Variants in GSTCD observed in about 807,000 individuals in gnomAD.
GSTCD encodes the protein glutathione S-transferase C-terminal domain containing.
In GSTCD, 44 loss-of-function variants were observed where a neutral mutation model predicts 68.3. The ratio of observed to expected loss-of-function variants is 0.64; its 90% CI spans 0.51 to 0.83. The LOEUF is 0.83. Ranked by LOEUF, GSTCD falls within the 40% of genes least tolerant of loss-of-function variation. The pLI, the probability that GSTCD is intolerant of heterozygous loss-of-function variation, is 0.00. For synonymous variants in GSTCD, 273 were observed against 255.2 expected (o/e 1.07, Z -0.67); for missense variants, 739 against 735.9 (o/e 1.00, Z -0.05).
intron 3 of GSTCD, among the ~76,000 whole-genome samples, chr4:105,726,255 T>C (rs1486089493): frequency 6.6e-6 from 1 of 152,174 alleles, no homozygotes; most frequent in Admixed American, 6.5e-5. Context: ...AGCATAATAC[T>C]AAGTGATAGA....
chr4:105,719,419 C>A lies in GSTCD; in HGVS notation c.786C>A (p.Ile262=), dbSNP rs375185292. The A allele has an allele frequency of 2.5e-6, 4 of 1,613,982 alleles. No homozygotes were observed. The African/African-American group carries it at 5.3e-5, about 22-fold the overall frequency. The change falls in exon 3 of 12, where the codon ATC becomes ATA. Residue 262 remains isoleucine, a synonymous_variant. Coordinates refer to ENST00000515279, the MANE Select transcript of GSTCD (RefSeq NM_001370181.1). ...PATTNREPSH[I]RKAKASDLPP... Reference sequence around the variant, plus strand: ...CTACCAACAGAGAGCCTTCTCACATCAGAAAAGCAAAAGCCTCCGACCTTC... The same window carrying A: ...CTACCAACAGAGAGCCTTCTCACATAAGAAAAGCAAAAGCCTCCGACCTTC...
At chr4:105,804,586 T>A (rs1039337526) in intron 5 of GSTCD, among the ~76,000 whole-genome samples, 1 of 151,464 alleles carries the variant, frequency 6.6e-6, no homozygotes, top group African/African-American at 2.4e-5. Flanking sequence ...TAATCATGAC[T>A]GAGCATCTAC....
chr4:105,752,912 C>T (rs1578437735), intron 5 of GSTCD, among the ~76,000 whole-genome samples: 1 of 152,000 alleles, frequency 6.6e-6, no homozygotes, highest in Non-Finnish European at 1.5e-5. Flanking sequence ...ATTCTCTCGT[C>T]AATTAGTATT....
chr4:105,810,067 C>G (rs893776811), intron 5 of GSTCD, among the ~76,000 whole-genome samples: 1 of 151,916 alleles, frequency 6.6e-6, no homozygotes, highest in Non-Finnish European at 1.5e-5. Context: ...GCCATCAATA[C>G]AAAGTATTTA....
At position 105,821,806 on chromosome 4, in the gene GSTCD, A is replaced by G. The variant is rs192131795; in HGVS notation, c.1241-1148A>G. ...CACATAAAATTTATGAATATAATTG[A>G]AAGTAACCATACATGTACATAAAAT... is the stretch of plus-strand genomic sequence containing the variant. On this transcript the variant is annotated intron_variant, in intron 5 of 11. Coordinates refer to ENST00000515279, the MANE Select transcript of GSTCD (RefSeq NM_001370181.1). Among the ~76,000 whole-genome samples, 58 of 151,998 alleles carry G rather than the reference A, an allele frequency of 3.8e-4. 1 individual carries two copies. In the East Asian group the frequency reaches 0.011, roughly 28 times the overall value.
intron 3 of GSTCD, among the ~76,000 whole-genome samples, chr4:105,722,257 A>G (rs1240437120): frequency 1.3e-5 from 2 of 152,102 alleles, no homozygotes; most frequent in Non-Finnish European, 2.9e-5. Flanking sequence ...GCAAAACTAA[A>G]TACCTCTTCC....
At chr4:105,845,397 G>C in intron 11 of GSTCD, 44 bp from the exon 12 acceptor site, 1 of 1,611,212 alleles carries the variant, frequency 6.2e-7, no homozygotes, top group Non-Finnish European at 8.5e-7. Context: ...AAACTGTCCT[G>C]CTAGTGAAAG....
intron 5 of GSTCD, among the ~76,000 whole-genome samples, chr4:105,781,793 CT>C (rs529901727): frequency 0.048 from 7,242 of 149,426 alleles, 218 homozygotes; most frequent in Middle Eastern, 0.13. Flanking sequence ...AACTACTTAT[CT>C]TTTTTTTCTT....
intron 5 of GSTCD, among the ~76,000 whole-genome samples, chr4:105,778,753 G>A (rs1205288746): frequency 6.6e-6 from 1 of 152,022 alleles, no homozygotes; most frequent in African/African-American, 2.4e-5. Flanking sequence ...GATTTTTTCT[G>A]TCATACTCTT....
At chr4:105,731,533 G>C (rs887930617) in intron 5 of GSTCD, among the ~76,000 whole-genome samples, 5 of 152,156 alleles carry the variant, frequency 3.3e-5, no homozygotes, top group Non-Finnish European at 7.4e-5. Flanking sequence ...CTCTCTGTCT[G>C]TTATTGGTGT....
intron 5 of GSTCD, among the ~76,000 whole-genome samples, chr4:105,772,877 G>A (rs1453738727): frequency 2.6e-5 from 4 of 152,204 alleles, no homozygotes; most frequent in Non-Finnish European, 5.9e-5. Context: ...CTCATAAAAT[G>A]AGTTAGGGAG....
Position 105,823,062 on chromosome 4 carries a change from G to A in GSTCD, c.1349G>A (p.Ser450Asn), listed in dbSNP as rs780359104. 1 of 1,612,332 alleles carries A rather than the reference G, an allele frequency of 6.2e-7. No homozygotes were observed. The highest frequency in any genetic ancestry group is 8.5e-7 in the Non-Finnish European group (1 of 1,178,456). The change falls in exon 6 of 12, where the codon AGC becomes AAC. Residue 450 changes from serine (S) to asparagine (N), a missense_variant. Transcript: ENST00000515279. ...GGTGACAGAATTGTGGATTTCTGCAGCGGTGGGGTATTTTATCTCTCCTTT... is the reference window on the plus strand; with the variant it reads ...GGTGACAGAATTGTGGATTTCTGCAACGGTGGGGTATTTTATCTCTCCTTT... ...KPGDRIVDFC[S>N]GGGHVGIVLA...
At chr4:105,738,441 T>G (rs1267469604) in intron 5 of GSTCD, among the ~76,000 whole-genome samples, 1 of 152,218 alleles carries the variant, frequency 6.6e-6, no homozygotes, top group Non-Finnish European at 1.5e-5. Context: ...TTAGTATTTT[T>G]GTAGAGATTA....
intron 5 of GSTCD, among the ~76,000 whole-genome samples, chr4:105,742,707 C>CTTTTTTTT (rs70941211): frequency 1.5e-5 from 2 of 130,398 alleles, no homozygotes; most frequent in African/African-American, 2.7e-5. Flanking sequence ...GTTGTTTTTA[C>CTTTTTTTT]TTTTTTTTTT....
chr4:105,823,156 G>A, intron 6 of GSTCD, 75 bp from the exon 7 acceptor site: 1 of 1,583,168 alleles, frequency 6.3e-7, no homozygotes, highest in Non-Finnish European at 8.7e-7. Context: ...TTTTTATTTG[G>A]CAAGATTGTG....
At chr4:105,769,932 A>C (rs942509023) in intron 5 of GSTCD, among the ~76,000 whole-genome samples, 4 of 151,992 alleles carry the variant, frequency 2.6e-5, no homozygotes, top group Admixed American at 6.6e-5. Context: ...TTTTAAAAAA[A>C]TTTTGAATAG....
chr4:105,726,157 A>G (rs1412646940), intron 3 of GSTCD, among the ~76,000 whole-genome samples: 1 of 152,184 alleles, frequency 6.6e-6, no homozygotes, highest in Non-Finnish European at 1.5e-5. Flanking sequence ...ATGAGTAAGC[A>G]AAATATAGTA....
At chr4:105,764,275 A>G (rs1734523976) in intron 5 of GSTCD, among the ~76,000 whole-genome samples, 2 of 152,288 alleles carry the variant, frequency 1.3e-5, no homozygotes, top group South Asian at 2.1e-4. Flanking sequence ...TATATATCCA[A>G]CTCAGATATA....
chr4:105,805,391 T>C (rs531382946), intron 5 of GSTCD, among the ~76,000 whole-genome samples: 1 of 152,298 alleles, frequency 6.6e-6, no homozygotes, highest in Admixed American at 6.5e-5. Flanking sequence ...TCAGCTTCCC[T>C]TTTATTAAAA....
Sources: allele counts gnomAD v4.1 joint callset (sites outside exome capture counted in the v4.1 genomes callset), GRCh38; gene constraint gnomAD v4.1.1; transcripts MANE v1.5; gene names NCBI Gene and HGNC (gene_info 2026-07-23, HGNC 2026-07-21).